Variants in PTPRU observed in about 807,000 individuals in gnomAD.
PTPRU encodes the protein protein tyrosine phosphatase receptor type U.
A neutral mutation model predicts 166.3 loss-of-function variants in PTPRU; 69 were observed. The ratio of observed to expected loss-of-function variants is 0.41; its 90% CI spans 0.34 to 0.51. The LOEUF (loss-of-function observed/expected upper bound fraction) is 0.51. Ranked by LOEUF, PTPRU falls within the 20% of genes least tolerant of loss-of-function variation. PTPRU has a pLI of 0.09. For synonymous variants in PTPRU, 793 were observed against 814.0 expected (o/e 0.97, Z 0.44); for missense variants, 1,657 against 2,013.7 (o/e 0.82, Z 3.39).
chr1:29,281,750 C>A (rs1286374898), intron 11 of PTPRU, among the ~76,000 whole-genome samples: 1 of 152,124 alleles, frequency 6.6e-6, no homozygotes, highest in Non-Finnish European at 1.5e-5. Flanking sequence ...TGGGATGATT[C>A]CCCACAACTT....
intron 14 of PTPRU, chr1:29,289,667 C>A (rs1557453962): frequency 1.2e-6 from 2 of 1,614,044 alleles, no homozygotes; most frequent in Non-Finnish European, 1.7e-6. Flanking sequence ...GCTGTTCTCT[C>A]TTTGCACGCT....
chr1:29,256,423 A>G (rs2151943883), intron 2 of PTPRU, among the ~76,000 whole-genome samples: 1 of 152,348 alleles, frequency 6.6e-6, no homozygotes, highest in South Asian at 2.1e-4. Flanking sequence ...CCATCACACT[A>G]GTGCCCAGGG....
rs1445078949 is a variant in PTPRU, at chr1:29,257,547, C to T, written c.206-958C>T. 1.3e-5 allele frequency among the ~76,000 whole-genome samples: 2 copies of T among 152,330 alleles called. No homozygotes were observed. The highest frequency in any genetic ancestry group is 1.9e-4 in the East Asian group (1 of 5,178). ...GAGCCAGCCTAGTCCACTTCTACTC[C>T]ACCAGTACCCAGCCTGGGTCTCTGG... On this transcript the variant is annotated intron_variant, in intron 2 of 29. Coordinates refer to ENST00000373779, the MANE Select transcript of PTPRU (RefSeq NM_133178.4). This position sits in a 1 kb window ranked among gnomAD's most constrained non-coding sequence, Gnocchi z 4.6.
At chr1:29,301,617 G>A (rs1324834709) in intron 15 of PTPRU, among the ~76,000 whole-genome samples, 4 of 152,044 alleles carry the variant, frequency 2.6e-5, no homozygotes, top group Non-Finnish European at 5.9e-5. Context: ...AAGTTCTAGG[G>A]TACATGTGCA....
chr1:29,298,624 G>A (rs1687001585), intron 15 of PTPRU, among the ~76,000 whole-genome samples: 2 of 152,222 alleles, frequency 1.3e-5, no homozygotes, highest in South Asian at 4.1e-4. Flanking sequence ...TACGTCTGGA[G>A]CTATTGACTC....
At chr1:29,241,480 G>T (rs1252280443) in intron 1 of PTPRU, among the ~76,000 whole-genome samples, 1 of 152,080 alleles carries the variant, frequency 6.6e-6, no homozygotes, top group Admixed American at 6.5e-5. Context: ...GGGTATCTGA[G>T]GGTGGGGGTA....
chr1:29,277,781 A>G (rs915205095), intron 8 of PTPRU, among the ~76,000 whole-genome samples: 2 of 132,762 alleles, frequency 1.5e-5, no homozygotes, highest in African/African-American at 5.8e-5. Context: ...TAACCTGACC[A>G]TCTGGCTTCA....
chr1:29,288,625 G>C (rs533137867), intron 14 of PTPRU, among the ~76,000 whole-genome samples: 3 of 152,098 alleles, frequency 2.0e-5, no homozygotes, highest in Admixed American at 2.0e-4. Flanking sequence ...TTGCTGGTCC[G>C]TCTTCCGCTC....
At chr1:29,247,359 T>C (rs181529093) in intron 1 of PTPRU, among the ~76,000 whole-genome samples, 4 of 152,364 alleles carry the variant, frequency 2.6e-5, no homozygotes, top group Admixed American at 2.0e-4. Flanking sequence ...GTACCAGATG[T>C]CTGTAATGAG....
At chr1:29,242,275 G>A in intron 1 of PTPRU, among the ~76,000 whole-genome samples, 1 of 152,166 alleles carries the variant, frequency 6.6e-6, no homozygotes, top group East Asian at 1.9e-4. Context: ...TGTCCACAAG[G>A]GGTGTGGACG....
At chr1:29,306,322 G>A (rs1687388836) in intron 18 of PTPRU, among the ~76,000 whole-genome samples, 1 of 152,234 alleles carries the variant, frequency 6.6e-6, no homozygotes, top group South Asian at 2.1e-4. Context: ...AAGTTTGGGA[G>A]AGCATCATTT....
chr1:29,276,628 A>T (rs1685818595), intron 8 of PTPRU, among the ~76,000 whole-genome samples: 1 of 152,104 alleles, frequency 6.6e-6, no homozygotes, highest in Admixed American at 6.6e-5. Flanking sequence ...ATATTCTTTT[A>T]TTATATTTAT....
chr1:29,266,725 G>A (rs1269257083), intron 7 of PTPRU, among the ~76,000 whole-genome samples: 1 of 152,168 alleles, frequency 6.6e-6, no homozygotes, highest in Non-Finnish European at 1.5e-5. Flanking sequence ...GTGCTATTGT[G>A]GTTGGTAGGG....
chr1:29,239,597 A>G (rs1683947741), intron 1 of PTPRU, among the ~76,000 whole-genome samples: 2 of 152,108 alleles, frequency 1.3e-5, no homozygotes, highest in Non-Finnish European at 2.9e-5. Context: ...CCATCCTTCC[A>G]TGATTTTCAT....
At chr1:29,307,488 T>C (rs1687447085) in intron 18 of PTPRU, among the ~76,000 whole-genome samples, 2 of 152,338 alleles carry the variant, frequency 1.3e-5, no homozygotes. Context: ...GAGTCCTCCC[T>C]AGCCTCCCTA....
Position 29,320,384 on chromosome 1 carries a change from G to A in PTPRU, c.3688-301G>A, listed in dbSNP as rs982229452. ...AAGCGCGGAGGCAGGGAGTAAGCTCGGCCAGCCTCTGCCTTGAGCTCAGCC... is the reference window on the plus strand; with the variant it reads ...AAGCGCGGAGGCAGGGAGTAAGCTCAGCCAGCCTCTGCCTTGAGCTCAGCC... On this transcript the variant is annotated intron_variant, in intron 25 of 29. Coordinates refer to ENST00000373779, the MANE Select transcript of PTPRU (RefSeq NM_133178.4). The surrounding 1 kb of genome is among the most constrained non-coding windows in gnomAD (Gnocchi z 5.2). The A allele has an allele frequency of 2.2e-5, 7 of 313,900 alleles. No homozygotes were observed. The highest frequency in any genetic ancestry group is 1.3e-4 in the African/African-American group (6 of 46,896). 19.4% of individuals were successfully genotyped at this position (313,900 alleles called of 1,614,324 possible).
chr1:29,290,954 C>T (rs1384523532), intron 14 of PTPRU, among the ~76,000 whole-genome samples: 1 of 152,152 alleles, frequency 6.6e-6, no homozygotes, highest in African/African-American at 2.4e-5. Context: ...CCCTGGAGAC[C>T]ACCCTCTAGG....
At position 29,260,054 on chromosome 1, in the gene PTPRU, T is replaced by G; in HGVS notation, c.850+10T>G. On this transcript the variant is annotated intron_variant, in intron 6 of 29. Transcript: ENST00000373779. The surrounding 1 kb of genome is among the most constrained non-coding windows in gnomAD (Gnocchi z 8.3). ...GAGCTCATCGTCAAGGGTCAGCTGG[T>G]GGACGCCGGGGAGCGCCGGGACCTC... 1 of 1,258,132 alleles carries G rather than the reference T, an allele frequency of 7.9e-7. No individual in the cohort carries two copies. The highest frequency in any genetic ancestry group is 2.4e-4 in the Middle Eastern group (1 of 4,102). 77.9% of individuals were successfully genotyped at this position (1,258,132 alleles called of 1,614,324 possible). A position where few individuals can be genotyped will look rare whatever the true frequency, so the allele number is the denominator to read the frequency against.
At chr1:29,240,172 A>G in intron 1 of PTPRU, among the ~76,000 whole-genome samples, 1 of 152,056 alleles carries the variant, frequency 6.6e-6, no homozygotes, top group East Asian at 1.9e-4. Context: ...TCTCAGCTGT[A>G]AGCATCATCC....
Sources: gnomAD v4.1 joint callset for allele counts (sites outside exome capture counted in the v4.1 genomes callset) on GRCh38, gnomAD v4.1.1 for gene constraint, Gnocchi (gnomAD v3.1) non-coding constraint, MANE v1.5 for transcripts, NCBI Gene and HGNC (gene_info 2026-07-23, HGNC 2026-07-21) for gene names.